Variants in OLFML2B observed in about 807,000 individuals in gnomAD.
The protein encoded by OLFML2B is olfactomedin like 2B.
A neutral mutation model predicts 74.9 loss-of-function variants in OLFML2B; 57 were observed. That is an observed-to-expected ratio of 0.76 (90% CI 0.61 to 0.95). The LOEUF is 0.95. Among genes scored for constraint, OLFML2B ranks in the 40% least tolerant of loss-of-function variants. The probability of loss-of-function intolerance (pLI) is 0.00; values close to 1 mark genes in which losing one functional copy is unlikely to be tolerated. For synonymous variants in OLFML2B, 388 were observed against 405.8 expected (o/e 0.96, Z 0.53); for missense variants, 986 against 970.6 (o/e 1.02, Z -0.21).
At chr1:161,999,031 A>T (rs946412891) in intron 5 of OLFML2B, among the ~76,000 whole-genome samples, 3 of 152,228 alleles carry the variant, frequency 2.0e-5, no homozygotes, top group Admixed American at 1.3e-4. Flanking sequence ...CGAGGTGGCC[A>T]GCATGACTGA....
In OLFML2B at chr1:161,983,705, C is replaced by G. The variant is rs748040059; in HGVS notation, c.2223G>C (p.Gln741His). Residue 741 changes from glutamine (Q) to histidine (H), a missense_variant, in exon 8 of 8, where the codon CAG becomes CAC. Gln to His is a conservative substitution (Grantham distance 24, BLOSUM62 0). Coordinates refer to ENST00000294794, the MANE Select transcript of OLFML2B (RefSeq NM_015441.3). ...RLLYAWDNGH[Q>H]VTYHVIFAY is the part of the protein sequence containing the mutation. ...AGGCAAAGATGACATGGTAAGTGAC[C>G]TGGTGGCCATTGTCCCAGGCATAGA... 6.2e-7 allele frequency: 1 copy of G among 1,611,860 alleles called. No homozygotes were observed. The highest frequency in any genetic ancestry group is 1.1e-5 in the South Asian group (1 of 91,006).
intron 4 of OLFML2B, 142 bp downstream of exon 4, chr1:162,006,155 G>C (rs1269723153): frequency 2.9e-6 from 2 of 689,552 alleles, no homozygotes; most frequent in Non-Finnish European, 2.2e-6. Context: ...CAAATCTACA[G>C]AACCTGCAGA....
chr1:162,010,916 C>T (rs956702407), intron 3 of OLFML2B, among the ~76,000 whole-genome samples: 1 of 152,090 alleles, frequency 6.6e-6, no homozygotes, highest in African/African-American at 2.4e-5. Flanking sequence ...GGATAAGGGG[C>T]TGCATGTGGT....
Position 161,998,217 on chromosome 1 carries a change from G to C in OLFML2B, c.1082C>G (p.Thr361Arg). ...TGCGGTCCGAGCGTTCAGGTCGCTTGTCACAGCAGTGCTGTGTCCCTGACG... is the reference window on the plus strand; with the variant it reads ...TGCGGTCCGAGCGTTCAGGTCGCTTCTCACAGCAGTGCTGTGTCCCTGACG... Reference protein sequence around the residue: ...ATRQGHSTAVTSDLNARTAPW... With the variant: ...ATRQGHSTAVRSDLNARTAPW... The change falls in exon 6 of 8, where the codon ACA becomes AGA. Residue 361 changes from threonine (T) to arginine (R), a missense_variant. Thr to Arg is a moderately conservative substitution (Grantham distance 71, BLOSUM62 -1). Coordinates refer to ENST00000294794, the MANE Select transcript of OLFML2B (RefSeq NM_015441.3). 6.2e-7 allele frequency: 1 copy of C among 1,614,040 alleles called. No homozygotes were observed.
At chr1:162,021,567 C>T (rs1690704074) in intron 1 of OLFML2B, among the ~76,000 whole-genome samples, 1 of 152,228 alleles carries the variant, frequency 6.6e-6, no homozygotes, top group African/African-American at 2.4e-5. Flanking sequence ...CCTTGGGATG[C>T]TGTCTGGGGG....
At chr1:161,999,768 G>A (rs141608028) in intron 5 of OLFML2B, among the ~76,000 whole-genome samples, 1,741 of 152,304 alleles carry the variant, frequency 0.011, 24 homozygotes, top group Non-Finnish European at 0.014. Flanking sequence ...AGCAAGTATT[G>A]GAGAAGCCCA....
intron 3 of OLFML2B, among the ~76,000 whole-genome samples, chr1:162,016,809 C>T (rs1321184696): frequency 6.6e-6 from 1 of 152,204 alleles, no homozygotes; most frequent in Non-Finnish European, 1.5e-5. Flanking sequence ...ACAGCACCAC[C>T]TGTACCACTC....
At position 161,984,868 on chromosome 1, in the gene OLFML2B, G is replaced by C. The variant is rs138789156; in HGVS notation, c.1587C>G (p.Tyr529Ter). 3.1e-6 allele frequency: 5 copies of C among 1,612,762 alleles called. No individual in the cohort carries two copies. The highest frequency in any genetic ancestry group is 2.2e-5 in the South Asian group (2 of 90,976). The change falls in exon 7 of 8, where the codon TAC becomes TAG. Residue 529 changes from tyrosine to a stop codon, truncating the protein, a stop_gained. Transcript: ENST00000294794. LOFTEE classifies it high-confidence loss of function. The stretch of plus-strand genomic sequence containing the variant: ...TGTTGCCGTAGTAATAGTTGGTTAC[G>C]TAAATCCGCTCATCCTTGGCCAGGG... The part of the protein sequence containing the change: ...KDPLAKDERI[Y>*]VTNYYYGNTL...
At position 161,997,994 on chromosome 1, in the gene OLFML2B, C is replaced by T. The variant is rs758041341; in HGVS notation, c.1305G>A (p.Pro435=). Residue 435 remains proline (P), a synonymous_variant, in exon 6 of 8, where the codon CCG becomes CCA. Transcript: ENST00000294794. ...ATQQPAAPAP[P]AVSPREALME... ...TCAATGCCTCCCTGGGAGACACTGC[C>T]GGAGGAGCTGGGGCTGCTGGTTGCT... 64 of 1,614,042 alleles carry T rather than the reference C, an allele frequency of 4.0e-5. No homozygotes were observed. Among genetic ancestry groups the T allele is most frequent in the African/African-American group, 2.3e-4 (17 of 74,916 alleles).
chr1:162,023,668 G>T lies in OLFML2B; in HGVS notation c.-238C>A. On this transcript the variant is annotated 5_prime_UTR_variant, in exon 1 of 8. Transcript: ENST00000294794. ...AGCCCCAGTGGAGAGCCGGACGCAA[G>T]GAAGAGGGGATGACGGAGAAGGTGG... 1 of 336,306 alleles carries T rather than the reference G, an allele frequency of 3.0e-6. No individual in the cohort carries two copies. The highest frequency in any genetic ancestry group is 5.3e-6 in the Non-Finnish European group (1 of 187,258). 20.8% of individuals were successfully genotyped at this position (336,306 alleles called of 1,614,324 possible).
intron 6 of OLFML2B, among the ~76,000 whole-genome samples, chr1:161,987,289 G>A (rs988796945): frequency 1.0e-3 from 157 of 152,268 alleles, no homozygotes; most frequent in African/African-American, 3.7e-3. Context: ...CAAATCCCTG[G>A]AGCCTGTGAT....
In OLFML2B at chr1:161,997,255, C is replaced by G. The variant is rs1689937123; in HGVS notation, c.1474+570G>C. On this transcript the variant is annotated intron_variant, in intron 6 of 7. Coordinates refer to ENST00000294794, the MANE Select transcript of OLFML2B (RefSeq NM_015441.3). The stretch of plus-strand genomic sequence containing the variant: ...TCCCCAGCCTTCCTGGCAGCCAGGC[C>G]AAGCTAATATTCCTTCTTTCTTTTC... Among the ~76,000 whole-genome samples, 5 of 152,288 alleles carry G rather than the reference C, an allele frequency of 3.3e-5. No individual in the cohort carries two copies. In the South Asian group the frequency reaches 1.0e-3, roughly 32 times the overall value.
rs537704674 is a variant in OLFML2B at position 162,009,359 on chromosome 1, C to T, written c.547-2886G>A. 5.9e-5 allele frequency among the ~76,000 whole-genome samples: 9 copies of T among 152,236 alleles called. No individual in the cohort carries two copies. In the South Asian group the frequency reaches 1.9e-3, roughly 32 times the overall value. On this transcript the variant is annotated intron_variant, in intron 3 of 7. Transcript: ENST00000294794. ...CTCTGGGTGGACTGACTGGCTGGGC[C>T]TAAGTATCCTTATTATTTGACGGAA...
intron 4 of OLFML2B, among the ~76,000 whole-genome samples, chr1:162,002,324 G>A (rs1350554381): frequency 6.6e-6 from 1 of 152,204 alleles, no homozygotes; most frequent in African/African-American, 2.4e-5. Context: ...TTCTCAACCA[G>A]GGGGAGGTGA....
intron 4 of OLFML2B, among the ~76,000 whole-genome samples, chr1:162,001,408 A>T (rs1397480023): frequency 6.6e-6 from 1 of 152,186 alleles, no homozygotes; most frequent in African/African-American, 2.4e-5. Context: ...GCTTGGAGGC[A>T]TCTTTTGCTC....
intron 6 of OLFML2B, among the ~76,000 whole-genome samples, chr1:161,997,210 G>A (rs2101956767): frequency 6.6e-6 from 1 of 152,270 alleles, no homozygotes; most frequent in South Asian, 2.1e-4. Flanking sequence ...CAGCTCAAAT[G>A]ACACCTCCTT....
chr1:161,987,653 T>C (rs1410756305), intron 6 of OLFML2B, among the ~76,000 whole-genome samples: 1 of 152,200 alleles, frequency 6.6e-6, no homozygotes, highest in African/African-American at 2.4e-5. Context: ...TCCAGAACTG[T>C]TAGAGAGTAC....
chr1:161,994,200 C>A (rs550180253), intron 6 of OLFML2B, among the ~76,000 whole-genome samples: 56 of 152,334 alleles, frequency 3.7e-4, no homozygotes, highest in Non-Finnish European at 6.0e-4. Flanking sequence ...AGCTGCCTGT[C>A]TAGTGACTTA....
intron 3 of OLFML2B, among the ~76,000 whole-genome samples, chr1:162,016,950 C>A (rs1008374412): frequency 6.6e-6 from 1 of 152,212 alleles, no homozygotes; most frequent in Non-Finnish European, 1.5e-5. Context: ...TTTATGTCTT[C>A]TTCCTCTAAA....
Sources: allele counts gnomAD v4.1 joint callset (sites outside exome capture counted in the v4.1 genomes callset), GRCh38; gene constraint gnomAD v4.1.1; transcripts MANE v1.5; gene names NCBI Gene and HGNC (gene_info 2026-07-23, HGNC 2026-07-21).